Variants in ZNF202 observed in about 807,000 individuals in gnomAD.
ZNF202 encodes zinc finger protein 202, also known as zinc finger protein with KRAB and SCAN domains 10.
A neutral mutation model predicts 54.5 loss-of-function variants in ZNF202; 22 were observed. The ratio of observed to expected loss-of-function variants is 0.40; its 90% CI spans 0.29 to 0.58. ZNF202 has a LOEUF of 0.58. ZNF202 is among the 20% of genes least tolerant of loss of function. ZNF202 has a pLI of 0.39. For synonymous variants in ZNF202, 294 were observed against 301.4 expected (o/e 0.98, Z 0.26); for missense variants, 644 against 805.5 (o/e 0.80, Z 2.43).
chr11:123,740,019 T>C (rs1861797079), intron 3 of ZNF202, 98 bp downstream of exon 3: 1 of 152,208 alleles, frequency 6.6e-6, no homozygotes, highest in Non-Finnish European at 1.5e-5. Flanking sequence ...AAGGGTTTGC[T>C]GGTGAGAGAA....
rs547790398 is a variant in ZNF202 at position 123,740,186 on chromosome 11, T to C, written c.-167A>G. ...AAACCTTGTTGTACCCTTGGAATGA[T>C]TGTCTACTGCAATATAGTATATACA... On this transcript the variant is annotated 5_prime_UTR_variant, in exon 3 of 9. Transcript: ENST00000530393. 7.2e-5 allele frequency: 11 copies of C among 152,344 alleles called. No homozygotes were observed. Among genetic ancestry groups the C allele is most frequent in the Admixed American group, 2.0e-4 (3 of 15,302 alleles). 9.4% of individuals were successfully genotyped at this position (152,344 alleles called of 1,614,324 possible). A position where few individuals can be genotyped will look rare whatever the true frequency, so the allele number is the denominator to read the frequency against.
In ZNF202 at chr11:123,726,248, GGTAGAGTTCCTCAGCAGCGTGC is replaced by G; in HGVS notation, c.1674_1695del (p.His559SerfsTer19). The G allele has an allele frequency of 6.2e-7, 1 of 1,614,220 alleles. No individual in the cohort carries two copies. Among genetic ancestry groups the G allele is most frequent in the African/African-American group, 1.3e-5 (1 of 75,062 alleles). The stretch of plus-strand genomic sequence containing the variant: ...AAGCAGCGCCCGCACTCGCTGCAGA[GGTAGAGTTCCTCAGCAGCGTGC>G]GTCTTCCGGTGCGCCAGGTACCGCC... On this transcript the variant is annotated frameshift_variant, in exon 9 of 9. Coordinates refer to ENST00000530393, the MANE Select transcript of ZNF202 (RefSeq NM_003455.4). LOFTEE classifies it high-confidence loss of function. The surrounding 1 kb of genome is among the most constrained non-coding windows in gnomAD (Gnocchi z 6.0).
chr11:123,727,635 A>T, intron 7 of ZNF202, 40 bp from the exon 8 acceptor site: 2 of 1,612,478 alleles, frequency 1.2e-6, no homozygotes, highest in South Asian at 2.2e-5. Context: ...CGATTGGCTC[A>T]ACAATTCCCT....
rs1591374369 is a variant in ZNF202 at position 123,727,343 on chromosome 11, G to A, written c.952+133C>T. 5.5e-6 allele frequency: 7 copies of A among 1,265,380 alleles called. No individual in the cohort carries two copies. The South Asian group carries it at 5.9e-5, about 11-fold the overall frequency. 78.4% of individuals were successfully genotyped at this position (1,265,380 alleles called of 1,614,324 possible). ...GAGGGCAATGACAGAAGAAATGGCT[G>A]TCAGAGGGAGAAAGCAGTACTGGCT... is the stretch of plus-strand genomic sequence containing the variant. On this transcript the variant is annotated intron_variant, in intron 8 of 8. Transcript: ENST00000530393.
chr11:123,732,102 CTTTT>C (rs1861431925), intron 3 of ZNF202, among the ~76,000 whole-genome samples: 1 of 152,162 alleles, frequency 6.6e-6, no homozygotes, highest in South Asian at 2.1e-4. Context: ...TGTTCTCTTT[CTTTT>C]TAACGGGTCT....
In ZNF202 at chr11:123,726,979, T is replaced by C; in HGVS notation, c.965A>G (p.Lys322Arg). The change falls in exon 9 of 9, where the codon AAA (lysine) becomes AGA (arginine). Residue 322 changes from lysine to arginine, a missense_variant. By Grantham distance (26) the Lys-to-Arg change is conservative. This residue lies in a region of ZNF202 where 536 missense variants were observed against 635.3 expected (regional missense o/e 0.84). Transcript: ENST00000530393. The surrounding 1 kb of genome is among the most constrained non-coding windows in gnomAD (Gnocchi z 6.0). The stretch of plus-strand genomic sequence containing the variant: ...CTGCTCCAGACACTCTTCCTCATCT[T>C]TACTCCTATCTCCTGTAGAAAGGGT... The part of the protein sequence containing the change: ...LSFTYTGDRS[K>R]DEEECLEQED... 1.2e-6 allele frequency: 2 copies of C among 1,612,260 alleles called. No homozygotes were observed. The highest frequency in any genetic ancestry group is 1.7e-6 in the Non-Finnish European group (2 of 1,179,444).
intron 3 of ZNF202, among the ~76,000 whole-genome samples, chr11:123,734,349 T>C (rs570194249): frequency 1.3e-5 from 2 of 152,262 alleles, no homozygotes; most frequent in East Asian, 3.9e-4. Context: ...ACAAAGACCT[T>C]CAAAAGCTGG....
intron 5 of ZNF202, 134 bp downstream of exon 5, chr11:123,729,481 C>T: frequency 8.7e-7 from 1 of 1,150,596 alleles, no homozygotes; most frequent in Non-Finnish European, 1.2e-6. Flanking sequence ...CTCCTCTTGA[C>T]ATCCTGGATT....
At position 123,725,946 on chromosome 11, in the gene ZNF202, C is replaced by A; in HGVS notation, c.*51G>T. On this transcript the variant is annotated 3_prime_UTR_variant, in exon 9 of 9. Coordinates refer to ENST00000530393, the MANE Select transcript of ZNF202 (RefSeq NM_003455.4). ...TGACAAGAGGGCTTTTCCTCTTCCT[C>A]ACCTCCCTTAGGTGAGGGCTGAAAG... 1 of 1,547,004 alleles carries A rather than the reference C, an allele frequency of 6.5e-7. No individual in the cohort carries two copies. The highest frequency in any genetic ancestry group is 8.7e-7 in the Non-Finnish European group (1 of 1,148,862).
rs1861353599 is a variant in ZNF202 at position 123,730,385 on chromosome 11, C to T, written c.402+102G>A. ...ATATGAGCAACCCAAGGGCAGAGCC[C>T]ACTAATAATTTATGGGGATCCTGCA... On this transcript the variant is annotated intron_variant, in intron 4 of 8. Coordinates refer to ENST00000530393, the MANE Select transcript of ZNF202 (RefSeq NM_003455.4). The surrounding 1 kb of genome is among the most constrained non-coding windows in gnomAD (Gnocchi z 6.0). 6.4e-6 allele frequency: 9 copies of T among 1,409,784 alleles called. No homozygotes were observed. The highest frequency in any genetic ancestry group is 1.6e-5 in the South Asian group (1 of 63,314). 87.3% of individuals were successfully genotyped at this position (1,409,784 alleles called of 1,614,324 possible). A position where few individuals can be genotyped will look rare whatever the true frequency, so the allele number is the denominator to read the frequency against.
chr11:123,731,112 A>G, intron 3 of ZNF202, 127 bp from the exon 4 acceptor site: 1 of 481,120 alleles, frequency 2.1e-6, no homozygotes, highest in Non-Finnish European at 3.6e-6. Context: ...TTCCCCAACC[A>G]CCATAGCCAT....
intron 6 of ZNF202, among the ~76,000 whole-genome samples, chr11:123,728,860 C>T (rs769640049): frequency 5.3e-5 from 8 of 151,592 alleles, no homozygotes; most frequent in Admixed American, 2.6e-4. Context: ...TTGACAACTT[C>T]GCAGTTGTAC....
At chr11:123,739,259 G>C (rs1172351945) in intron 3 of ZNF202, among the ~76,000 whole-genome samples, 4 of 152,134 alleles carry the variant, frequency 2.6e-5, no homozygotes, top group South Asian at 2.1e-4. Context: ...GTAATCAAGT[G>C]GCATAATCAT....
intron 5 of ZNF202, 67 bp from the exon 6 acceptor site, chr11:123,729,281 C>T (rs1591377524): frequency 2.7e-6 from 4 of 1,463,092 alleles, no homozygotes; most frequent in Non-Finnish European, 3.7e-6. Flanking sequence ...AAAATCTGGG[C>T]ATCCCCCACC....
Position 123,730,805 on chromosome 11 carries a change from G to A in ZNF202, c.84C>T (p.Thr28=), listed in dbSNP as rs778632986. ...ILMVKLEDDF[T]CRPESVLQRD... ...TCTGTAAGACAGACTCTGGCCGACA[G>A]GTGAAATCATCTTCCAGTTTCACCA... is the stretch of plus-strand genomic sequence containing the variant. The change falls in exon 4 of 9, where the codon ACC becomes ACT. Residue 28 remains threonine (T), a synonymous_variant. Coordinates refer to ENST00000530393, the MANE Select transcript of ZNF202 (RefSeq NM_003455.4). The surrounding 1 kb of genome is among the most constrained non-coding windows in gnomAD (Gnocchi z 6.0). 2 of 1,614,074 alleles carry A rather than the reference G, an allele frequency of 1.2e-6. No homozygotes were observed. Among genetic ancestry groups the A allele is most frequent in the African/African-American group, 2.7e-5 (2 of 74,928 alleles).
chr11:123,731,062 A>C, intron 3 of ZNF202, 77 bp from the exon 4 acceptor site: 1 of 663,062 alleles, frequency 1.5e-6, no homozygotes, highest in Non-Finnish European at 2.4e-6. Context: ...GTTCAATCAT[A>C]ATCCTCTACA....
At chr11:123,732,994 C>T (rs557251238) in intron 3 of ZNF202, among the ~76,000 whole-genome samples, 116 of 152,258 alleles carry the variant, frequency 7.6e-4, no homozygotes, top group African/African-American at 2.6e-3. Context: ...ATATCCTCTG[C>T]TCCTAAACGG....
In ZNF202 at chr11:123,725,846, G is replaced by C. The variant is rs1861106361; in HGVS notation, c.*151C>G. ...AGGCTGAGAGGTTCTGCCCAGGCTC[G>C]TGTTTAGTTGCAGGAAGAGGTAATG... On this transcript the variant is annotated 3_prime_UTR_variant, in exon 9 of 9. Transcript: ENST00000530393. 1.1e-6 allele frequency: 1 copy of C among 887,304 alleles called. No homozygotes were observed. The highest frequency in any genetic ancestry group is 1.9e-5 in the South Asian group (1 of 53,390). The allele number at this position is 887,304 out of a possible 1,614,324, so 55.0% of individuals were successfully genotyped here.
intron 3 of ZNF202, among the ~76,000 whole-genome samples, chr11:123,734,107 G>T (rs1861531191): frequency 6.7e-6 from 1 of 149,586 alleles, no homozygotes; most frequent in Admixed American, 6.6e-5. Flanking sequence ...GAGAGAGACA[G>T]AGAGAGAGAG....
Sources: allele counts gnomAD v4.1 joint callset (sites outside exome capture counted in the v4.1 genomes callset), GRCh38; gene constraint gnomAD v4.1.1; regional missense constraint gnomAD v4.1.1; non-coding constraint Gnocchi (gnomAD v3.1); transcripts MANE v1.5; gene names NCBI Gene and HGNC (gene_info 2026-07-23, HGNC 2026-07-21).